The following LYPD4 variants were observed in gnomAD, a reference collection of about 807,000 sequenced individuals.
The protein encoded by LYPD4 is LY6/PLAUR domain containing 4, also known as ly6/PLAUR domain-containing protein 4.
Under a neutral mutation model 18.2 loss-of-function variants are expected in LYPD4, and 20 were observed. The ratio of observed to expected loss-of-function variants is 1.10; its 90% CI spans 0.77 to 1.59. The LOEUF (loss-of-function observed/expected upper bound fraction) is 1.59. LYPD4 is among the 40% of genes most tolerant of loss of function. The probability of loss-of-function intolerance (pLI) is 0.00; values close to 1 mark genes in which losing one functional copy is unlikely to be tolerated. For missense variants in LYPD4, 278 were observed against 300.3 expected, an observed-to-expected ratio of 0.93 and a Z score of 0.55; for synonymous variants, 111 against 118.3, an observed-to-expected ratio of 0.94 and a Z score of 0.40.
chr19:41,839,638 A>C, intron 1 of LYPD4: 1 of 309,710 alleles, frequency 3.2e-6, no homozygotes, highest in Non-Finnish European at 6.1e-6. Context: ...GCCAGAGGCA[A>C]TGAGATCAGA....
At chr19:41,835,653 C>T, downstream of LYPD4, 1 of 338,530 alleles carries the variant, frequency 3.0e-6, no homozygotes, top group Non-Finnish European at 4.2e-6. Flanking sequence ...TAGCCCTGTT[C>T]CACTTGCTGT....
chr19:41,840,976 A>C lies in LYPD4; in HGVS notation c.-120-1571T>G, dbSNP rs1240885649. ...AAATATATTCATGAACTAGTTCAAG[A>C]AATTGTATAAGGAGCAACAAAGCAA... On this transcript the variant is annotated intron_variant, in intron 1 of 4. Transcript: ENST00000609812. Among the ~76,000 whole-genome samples, 13 of 152,250 alleles carry C rather than the reference A, an allele frequency of 8.5e-5. 1 individual carries two copies. Among genetic ancestry groups the C allele is most frequent in the Admixed American group, 8.5e-4 (13 of 15,282 alleles).
chr19:41,838,750 T>A lies in LYPD4; in HGVS notation c.211+131A>T, dbSNP rs186602027. Reference sequence around the variant, plus strand: ...CCATCTCAAAAAAAATTAAAAAAAATATATATACATATATATATATATGTA... The same window carrying A: ...CCATCTCAAAAAAAATTAAAAAAAAAATATATACATATATATATATATGTA... On this transcript the variant is annotated intron_variant, in intron 3 of 4. Coordinates refer to ENST00000609812, the MANE Select transcript of LYPD4 (RefSeq NM_173506.7). 1,246 of 423,266 alleles carry A rather than the reference T, an allele frequency of 2.9e-3. 21 individuals are homozygous for A. The highest frequency in any genetic ancestry group is 0.025 in the African/African-American group (1,132 of 46,164). The allele number at this position is 423,266 out of a possible 1,614,324, so 26.2% of individuals were successfully genotyped here. A position where few individuals can be genotyped will look rare whatever the true frequency, so the allele number is the denominator to read the frequency against.
chr19:41,842,060 T>C (rs1555833663), intron 1 of LYPD4, among the ~76,000 whole-genome samples: 1 of 152,156 alleles, frequency 6.6e-6, no homozygotes, highest in African/African-American at 2.4e-5. Context: ...ATGCAGCATT[T>C]TTTTTTTCTG....
chr19:41,842,764 C>CAAAAAAAAAAAAAAAAAAAA (rs782233081), intron 1 of LYPD4, among the ~76,000 whole-genome samples: 1 of 49,766 alleles, frequency 2.0e-5, no homozygotes, highest in Non-Finnish European at 3.2e-5. Flanking sequence ...TCCGTCTAAA[C>CAAAAAAAAAAAAAAAAAAAA]AAAAAAAAAA....
At chr19:41,840,403 T>G (rs964007462) in intron 1 of LYPD4, among the ~76,000 whole-genome samples, 1 of 152,030 alleles carries the variant, frequency 6.6e-6, no homozygotes, top group Non-Finnish European at 1.5e-5. Context: ...ATTGTACAAA[T>G]GTCAATTTCC....
rs1555834753 is a variant in LYPD4, at chr19:41,844,367, A to T, written c.-910T>A. 1 of 152,138 alleles carries T rather than the reference A, an allele frequency of 6.6e-6. No homozygotes were observed. Among genetic ancestry groups the T allele is most frequent in the Non-Finnish European group, 1.5e-5 (1 of 68,064 alleles). The allele number at this position is 152,138 out of a possible 1,614,324, so 9.4% of individuals were successfully genotyped here. On this transcript the variant is annotated 5_prime_UTR_variant, in exon 1 of 5. Transcript: ENST00000609812. ...TATCAGGGCATGAAGCACGGGAGAA[A>T]ATGGGTCCGAAGAGGGAGAGCGTCC...
chr19:41,838,192 T>TTTCCCC lies in LYPD4; in HGVS notation c.280_281insGGGGAA (p.Tyr94delinsTrpGlyAsn). On this transcript the variant is annotated protein_altering_variant, in exon 4 of 5. Transcript: ENST00000609812. The stretch of plus-strand genomic sequence containing the variant: ...GGACACTCCGGGTGGGGAAACAAGG[T>TTTCCCC]AGGAGATTTGCGCAGGGTAAGACGA... The TTTCCCC allele has an allele frequency of 6.3e-7, 1 of 1,591,724 alleles. No individual in the cohort carries two copies. The highest frequency in any genetic ancestry group is 8.6e-7 in the Non-Finnish European group (1 of 1,167,100).
chr19:41,837,464 T>A, intron 4 of LYPD4, 119 bp from the exon 5 acceptor site: 4 of 1,078,408 alleles, frequency 3.7e-6, no homozygotes, highest in Non-Finnish European at 5.5e-6. Flanking sequence ...GGCAGGTGGA[T>A]CACTTGAGGA....
At chr19:41,836,313 A>AAAAAAAAAAAAAAAAAAAAAAAAAAC (rs2073372775), downstream of LYPD4, among the ~76,000 whole-genome samples, 1 of 139,068 alleles carries the variant, frequency 7.2e-6, no homozygotes, top group Non-Finnish European at 1.6e-5. Context: ...AAAAAAAAAA[A>AAAAAAAAAAAAAAAAAAAAAAAAAAC]AAAAAAAAAA....
At chr19:41,841,424 G>A (rs1555833375) in intron 1 of LYPD4, among the ~76,000 whole-genome samples, 4 of 151,910 alleles carry the variant, frequency 2.6e-5, no homozygotes, top group Non-Finnish European at 4.4e-5. Context: ...GGCTAATGTT[G>A]AAGGATTGCT....
upstream of LYPD4, chr19:41,844,849 C>T (rs2073789517): frequency 6.6e-6 from 1 of 152,382 alleles, no homozygotes; most frequent in Non-Finnish European, 1.5e-5. Flanking sequence ...CGAGGCTCAA[C>T]TCGAAGCGCT....
chr19:41,838,849 A>T (rs10414356), intron 3 of LYPD4, 32 bp downstream of exon 3: 805,741 of 1,609,402 alleles, frequency 0.5, 206,734 homozygotes, highest in South Asian at 0.58. Context: ...AGAGCAAGCA[A>T]AACGAAATTG....
chr19:41,842,495 C>T (rs1171892801), intron 1 of LYPD4, among the ~76,000 whole-genome samples: 7 of 151,882 alleles, frequency 4.6e-5, no homozygotes, highest in Admixed American at 1.3e-4. Context: ...CAGTGGCTCA[C>T]GCCTGTAATC....
At chr19:41,840,462 G>A (rs992847920) in intron 1 of LYPD4, among the ~76,000 whole-genome samples, 1 of 152,194 alleles carries the variant, frequency 6.6e-6, no homozygotes, top group Non-Finnish European at 1.5e-5. Context: ...GAAACTGGAG[G>A]AAGGATCCAA....
downstream of LYPD4, chr19:41,835,745 C>T (rs1247923588): frequency 1.2e-5 from 12 of 983,510 alleles, no homozygotes; most frequent in Non-Finnish European, 1.4e-5. Context: ...ACCGAAACCT[C>T]GTGTCAGTCC....
Position 41,838,966 on chromosome 19 carries a change from G to C in LYPD4, c.126C>G (p.Phe42Leu), listed in dbSNP as rs1403085252. ...TCATCAGAAGCCACTTCCAGTTATG[G>C]AAAGCAACAGCTCTGAATCTTGAGG... Reference protein sequence around the residue: ...ATASRFRAVAFHNWKWLLMRN... With the variant: ...ATASRFRAVALHNWKWLLMRN... Residue 42 changes from phenylalanine to leucine, a missense_variant, in exon 3 of 5, where the codon TTC (phenylalanine) becomes TTG (leucine). Transcript: ENST00000609812. The C allele has an allele frequency of 6.2e-7, 1 of 1,613,694 alleles. No homozygotes were observed. The highest frequency in any genetic ancestry group is 8.5e-7 in the Non-Finnish European group (1 of 1,179,998).
chr19:41,837,818 G>T, intron 4 of LYPD4, 117 bp downstream of exon 4: 1 of 1,110,180 alleles, frequency 9.0e-7, no homozygotes, highest in Non-Finnish European at 1.3e-6. Context: ...CATGTGCCCT[G>T]TCCCTTGCAA....
At position 41,838,183 on chromosome 19, in the gene LYPD4, G is replaced by A. The variant is rs782199915; in HGVS notation, c.290C>T (p.Ser97Phe). 1.9e-6 allele frequency: 3 copies of A among 1,597,024 alleles called. No individual in the cohort carries two copies. The highest frequency in any genetic ancestry group is 4.5e-5 in the East Asian group (2 of 44,544). ...SYPAQISYLVSPPGVSIASYS... is the reference protein window; with the variant it reads ...SYPAQISYLVFPPGVSIASYS... ...GGAGGCAATGGACACTCCGGGTGGGGAAACAAGGTAGGAGATTTGCGCAGG... is the reference window on the plus strand; with the variant it reads ...GGAGGCAATGGACACTCCGGGTGGGAAAACAAGGTAGGAGATTTGCGCAGG... Residue 97 changes from serine to phenylalanine, a missense_variant, in exon 4 of 5, where the codon TCC becomes TTC. Physicochemically the swap from Ser to Phe is radical, Grantham distance 155. Coordinates refer to ENST00000609812, the MANE Select transcript of LYPD4 (RefSeq NM_173506.7).
Sources: gnomAD v4.1 joint callset for allele counts (sites outside exome capture counted in the v4.1 genomes callset) on GRCh38, gnomAD v4.1.1 for gene constraint, MANE v1.5 for transcripts, NCBI Gene and HGNC (gene_info 2026-07-23, HGNC 2026-07-21) for gene names.